Variants in WDR7 observed in about 807,000 individuals in gnomAD.
The protein encoded by WDR7 is WD repeat domain 7.
A neutral mutation model predicts 169.4 loss-of-function variants in WDR7; 46 were observed. The observed-to-expected ratio is 0.27, with a 90% confidence interval of 0.21 to 0.35. The LOEUF is 0.35. Ranked by LOEUF, WDR7 falls within the 10% of genes least tolerant of loss-of-function variation. The pLI is 1.00. For synonymous variants in WDR7, 612 were observed against 666.8 expected, an observed-to-expected ratio of 0.92 and a Z score of 1.27; for missense variants, 1,534 against 1,859.3, an observed-to-expected ratio of 0.83 and a Z score of 3.22.
chr18:56,760,105 A>G (rs1237566902), intron 16 of WDR7, among the ~76,000 whole-genome samples: 1 of 152,234 alleles, frequency 6.6e-6, no homozygotes, highest in African/African-American at 2.4e-5. Context: ...TAAAAGTTTT[A>G]TAATAGTTTT....
At chr18:56,883,495 T>C (rs1185173765) in intron 21 of WDR7, among the ~76,000 whole-genome samples, 1 of 151,720 alleles carries the variant, frequency 6.6e-6, no homozygotes, top group Admixed American at 6.6e-5. Flanking sequence ...AATCTCTCAG[T>C]CTTGTTTTTT....
chr18:56,958,580 A>G (rs1432359953), intron 25 of WDR7, among the ~76,000 whole-genome samples: 3 of 152,072 alleles, frequency 2.0e-5, no homozygotes, highest in Non-Finnish European at 4.4e-5. Context: ...TAATTCCCTA[A>G]TATATAACTA....
chr18:56,846,236 G>T (rs1471637004), intron 20 of WDR7, among the ~76,000 whole-genome samples: 1 of 152,142 alleles, frequency 6.6e-6, no homozygotes, highest in Admixed American at 6.5e-5. Context: ...GGAGGTGTTT[G>T]GGTCATGGGG....
At chr18:56,928,986 T>G (rs2046843753) in intron 22 of WDR7, among the ~76,000 whole-genome samples, 1 of 152,146 alleles carries the variant, frequency 6.6e-6, no homozygotes, top group African/African-American at 2.4e-5. Context: ...TTAAATATGT[T>G]TAATAAAATT....
chr18:56,956,158 C>T (rs2047247609), intron 25 of WDR7, among the ~76,000 whole-genome samples: 1 of 152,126 alleles, frequency 6.6e-6, no homozygotes, highest in Non-Finnish European at 1.5e-5. Context: ...TGTCTGTCAC[C>T]ATCCCAGAAT....
chr18:56,767,852 T>A (rs2044091254), intron 16 of WDR7, among the ~76,000 whole-genome samples: 3 of 152,208 alleles, frequency 2.0e-5, no homozygotes, highest in Admixed American at 1.3e-4. Flanking sequence ...TTTTTAACTC[T>A]AGATCCCGTG....
intron 20 of WDR7, among the ~76,000 whole-genome samples, chr18:56,825,589 AT>A (rs1203827579): frequency 6.6e-6 from 1 of 152,196 alleles, no homozygotes; most frequent in Non-Finnish European, 1.5e-5. Context: ...AAGCTGGGCT[AT>A]TGCTTCTAGA....
At position 56,945,345 on chromosome 18, in the gene WDR7, A is replaced by G. The variant is rs542720183; in HGVS notation, c.4064+5952A>G. On this transcript the variant is annotated intron_variant, in intron 25 of 27. Coordinates refer to ENST00000254442, the MANE Select transcript of WDR7 (RefSeq NM_015285.3). The stretch of plus-strand genomic sequence containing the variant: ...TCTTCTATTATGCAATTCGTGTCCA[A>G]CTCTATAAAAATCTATCCTATGAAC... Among the ~76,000 whole-genome samples the G allele has an allele frequency of 3.2e-4, 48 of 152,292 alleles. 1 individual carries two copies. The South Asian group carries it at 1.0e-2, about 32-fold the overall frequency.
chr18:57,023,346 A>G (rs1436089635), intron 27 of WDR7, among the ~76,000 whole-genome samples: 1 of 152,204 alleles, frequency 6.6e-6, no homozygotes, highest in Non-Finnish European at 1.5e-5. Context: ...AAGTTAATGA[A>G]GTCTTATTAA....
At chr18:57,014,508 A>G (rs915188622) in intron 26 of WDR7, among the ~76,000 whole-genome samples, 3 of 148,968 alleles carry the variant, frequency 2.0e-5, no homozygotes, top group African/African-American at 7.4e-5. Flanking sequence ...AATACAAAAA[A>G]TTCGCCAGGC....
chr18:56,961,345 T>TC (rs2047337336), intron 25 of WDR7, among the ~76,000 whole-genome samples: 1 of 151,916 alleles, frequency 6.6e-6, no homozygotes, highest in South Asian at 2.1e-4. Context: ...TGCCTCTTCC[T>TC]CCCCCCTTAT....
chr18:56,813,529 CT>C (rs142379348), intron 19 of WDR7, among the ~76,000 whole-genome samples: 1 of 150,978 alleles, frequency 6.6e-6, no homozygotes, highest in East Asian at 1.9e-4. Flanking sequence ...AGCAGGAATT[CT>C]TTTTTTTCTT....
intron 25 of WDR7, among the ~76,000 whole-genome samples, chr18:56,952,769 G>C (rs961503306): frequency 5.9e-5 from 9 of 152,108 alleles, no homozygotes; most frequent in African/African-American, 1.9e-4. Flanking sequence ...TAAAAAATTA[G>C]CTGTCAAGCC....
intron 25 of WDR7, among the ~76,000 whole-genome samples, chr18:56,942,469 C>T (rs1047636527): frequency 6.6e-6 from 1 of 152,000 alleles, no homozygotes; most frequent in Non-Finnish European, 1.5e-5. Context: ...AAATAAAGGG[C>T]ATAAATAAAG....
intron 26 of WDR7, among the ~76,000 whole-genome samples, chr18:57,001,391 A>G (rs191772546): frequency 6.6e-6 from 1 of 152,158 alleles, no homozygotes; most frequent in East Asian, 1.9e-4. Flanking sequence ...GGAAAACTTG[A>G]AAATGCGTTC....
At chr18:56,866,972 A>C (rs565544852) in intron 20 of WDR7, among the ~76,000 whole-genome samples, 1 of 152,214 alleles carries the variant, frequency 6.6e-6, no homozygotes, top group Admixed American at 6.5e-5. Flanking sequence ...ATACCCTGAA[A>C]ATATGTACAT....
intron 7 of WDR7, among the ~76,000 whole-genome samples, chr18:56,688,026 C>G (rs548855453): frequency 6.6e-6 from 1 of 152,274 alleles, no homozygotes; most frequent in African/African-American, 2.4e-5. Context: ...CACTGGGGCC[C>G]TGTTAGAGAC....
At chr18:56,779,756 A>G (rs2044290872) in intron 18 of WDR7, among the ~76,000 whole-genome samples, 1 of 152,204 alleles carries the variant, frequency 6.6e-6, no homozygotes, top group Non-Finnish European at 1.5e-5. Flanking sequence ...GTTTACTTTT[A>G]AAGAATTCAG....
intron 26 of WDR7, among the ~76,000 whole-genome samples, chr18:56,976,893 C>G (rs80173984): frequency 0.011 from 1,650 of 152,276 alleles, 34 homozygotes; most frequent in African/African-American, 0.036. Flanking sequence ...CAACATTTGC[C>G]TTCTCAAGAA....
Sources: allele counts gnomAD v4.1 joint callset (sites outside exome capture counted in the v4.1 genomes callset), GRCh38; gene constraint gnomAD v4.1.1; transcripts MANE v1.5; gene names NCBI Gene and HGNC (gene_info 2026-07-23, HGNC 2026-07-21).